Variants in KIR2DL3 observed in about 807,000 individuals in gnomAD.
KIR2DL3 encodes the protein killer cell immunoglobulin-like receptor 2DL3.
KIR2DL3 carries 39 observed loss-of-function variants against 33.8 expected under a neutral mutation model. The observed-to-expected ratio is 1.15, with a 90% confidence interval of 0.89 to 1.51. KIR2DL3 has a LOEUF of 1.51. KIR2DL3 is among the 40% of genes most tolerant of loss of function. KIR2DL3 has a pLI of 0.00. For synonymous variants in KIR2DL3, 174 were observed against 160.2 expected (o/e 1.09, Z -0.65); for missense variants, 462 against 426.2 (o/e 1.08, Z -0.74).
rs2073676141 is a variant in KIR2DL3 at position 54,752,734 on chromosome 19, G to A, written c.*215G>A. ...CTTACAAATGTCTAAGGTCCCCACTGCCTGCTGGAGAGAAAACACACTCCT... is the reference window on the plus strand; with the variant it reads ...CTTACAAATGTCTAAGGTCCCCACTACCTGCTGGAGAGAAAACACACTCCT... On this transcript the variant is annotated 3_prime_UTR_variant, in exon 8 of 8. Coordinates refer to ENST00000342376, the MANE Select transcript of KIR2DL3 (RefSeq NM_015868.3). 1 of 720,672 alleles carries A rather than the reference G, an allele frequency of 1.4e-6. No individual in the cohort carries two copies. Among genetic ancestry groups the A allele is most frequent in the Non-Finnish European group, 2.2e-6 (1 of 448,458 alleles). The allele number at this position is 720,672 out of a possible 1,614,324, so 44.6% of individuals were successfully genotyped here.
At chr19:54,739,284 A>G (rs2070505451) in intron 1 of KIR2DL3, among the ~76,000 whole-genome samples, 1 of 148,258 alleles carries the variant, frequency 6.7e-6, no homozygotes. Flanking sequence ...GGGTGGAAAT[A>G]TCAGCCTGGA....
intron 2 of KIR2DL3, among the ~76,000 whole-genome samples, chr19:54,741,540 C>A (rs1256184792): frequency 6.6e-6 from 1 of 152,056 alleles, no homozygotes; most frequent in Non-Finnish European, 1.5e-5. Flanking sequence ...GGCTCCCAGT[C>A]CCCACCAGGA....
chr19:54,744,164 G>A (rs1368371748), intron 4 of KIR2DL3, 76 bp downstream of exon 4: 11 of 1,589,224 alleles, frequency 6.9e-6, no homozygotes, highest in Middle Eastern at 3.4e-4. Context: ...TGATGATGGA[G>A]AGAAGCATGG....
chr19:54,750,269 T>C (rs1321045063), intron 5 of KIR2DL3, among the ~76,000 whole-genome samples: 3 of 135,646 alleles, frequency 2.2e-5, no homozygotes, highest in Non-Finnish European at 4.8e-5. Flanking sequence ...TGAGTCCAGA[T>C]CTTGGAATCA....
chr19:54,744,069 A>G lies in KIR2DL3; in HGVS notation c.645A>G (p.Pro215=). The change falls in exon 4 of 8, where the codon CCA becomes CCG. Residue 215 remains proline (P), a synonymous_variant. Transcript: ENST00000342376. The stretch of plus-strand genomic sequence containing the variant: ...ACGAGTGGTCAAACTCGAGTGACCC[A>G]CTGCTTGTTTCTGTCACAGGTGAGG... ...SPYEWSNSSD[P]LLVSVTGNPS... 1.4e-5 allele frequency: 23 copies of G among 1,614,234 alleles called. No individual in the cohort carries two copies. In the South Asian group the frequency reaches 2.4e-4, roughly 17 times the overall value.
intron 4 of KIR2DL3, among the ~76,000 whole-genome samples, chr19:54,744,592 T>G (rs1159263617): frequency 9.3e-5 from 14 of 151,348 alleles, no homozygotes; most frequent in Admixed American, 8.6e-4. Flanking sequence ...AGTGGCACAA[T>G]CTCAGCTCAC....
intron 2 of KIR2DL3, among the ~76,000 whole-genome samples, chr19:54,740,409 C>G (rs533568313): frequency 5.3e-5 from 8 of 151,656 alleles, no homozygotes; most frequent in East Asian, 3.9e-4. Context: ...TCCCTGAGCT[C>G]TACAACAGAA....
At chr19:54,740,162 G>A (rs1233633435) in intron 2 of KIR2DL3, among the ~76,000 whole-genome samples, 2 of 152,156 alleles carry the variant, frequency 1.3e-5, no homozygotes, top group Non-Finnish European at 2.9e-5. Flanking sequence ...GCACCAAGGT[G>A]TGATAGTAGC....
Position 54,744,082 on chromosome 19 carries a change from G to A in KIR2DL3, c.658G>A (p.Val220Ile). 6.2e-6 allele frequency: 10 copies of A among 1,614,218 alleles called. No individual in the cohort carries two copies. The South Asian group carries it at 6.6e-5, about 11-fold the overall frequency. Residue 220 changes from valine (V) to isoleucine (I), a missense_variant, in exon 4 of 8, where the codon GTC (valine) becomes ATC (isoleucine). Transcript: ENST00000342376. ...SNSSDPLLVSVTGNPSNSWPS... is the reference protein window; with the variant it reads ...SNSSDPLLVSITGNPSNSWPS... ...CTCGAGTGACCCACTGCTTGTTTCTGTCACAGGTGAGGAAACCCCATATCT... is the reference window on the plus strand; with the variant it reads ...CTCGAGTGACCCACTGCTTGTTTCTATCACAGGTGAGGAAACCCCATATCT...
intron 6 of KIR2DL3, among the ~76,000 whole-genome samples, 189 bp from the exon 7 acceptor site, chr19:54,752,027 T>C (rs1221351574): frequency 7.4e-6 from 1 of 135,372 alleles, no homozygotes; most frequent in Non-Finnish European, 1.6e-5. Context: ...ACAGAATCAA[T>C]GGGATGGGAA....
At chr19:54,744,861 T>G (rs1600380855) in intron 4 of KIR2DL3, among the ~76,000 whole-genome samples, 1 of 128,862 alleles carries the variant, frequency 7.8e-6, no homozygotes, top group South Asian at 2.4e-4. Flanking sequence ...CTAGTGGTCA[T>G]AAATACATTT....
chr19:54,750,585 C>T lies in KIR2DL3; in HGVS notation c.716-1064C>T, dbSNP rs1386921479. ...CAAGAATGCTGTGGATGTAGAAATC[C>T]TAAAGCACATTCGCTGTGTATCAAT... On this transcript the variant is annotated intron_variant, in intron 5 of 7. Transcript: ENST00000342376. 2.9e-5 allele frequency among the ~76,000 whole-genome samples: 4 copies of T among 135,896 alleles called. 1 individual carries two copies. The highest frequency in any genetic ancestry group is 7.6e-3 in the Middle Eastern group (2 of 264). 89.2% of individuals were successfully genotyped at this position (135,896 alleles called of 152,430 possible).
intron 5 of KIR2DL3, among the ~76,000 whole-genome samples, chr19:54,751,158 A>G (rs1186126532): frequency 2.3e-5 from 3 of 130,540 alleles, no homozygotes; most frequent in Non-Finnish European, 5.0e-5. Context: ...GGCTGCTCCC[A>G]CTCTGGCAGA....
intron 6 of KIR2DL3, 134 bp downstream of exon 6, chr19:54,751,887 A>G (rs2073503208): frequency 1.2e-6 from 1 of 811,554 alleles, no homozygotes; most frequent in Non-Finnish European, 1.9e-6. Context: ...AGGACTTTCT[A>G]GAGAGAGCAC....
rs147684757 is a variant in KIR2DL3 at position 54,751,623 on chromosome 19, C to A, written c.716-26C>A. The A allele has an allele frequency of 1.2e-4, 177 of 1,460,002 alleles. 11 individuals carry two copies. In the East Asian group the frequency reaches 3.9e-3, roughly 32 times the overall value. 90.4% of individuals were successfully genotyped at this position (1,460,002 alleles called of 1,614,324 possible). A position where few individuals can be genotyped will look rare whatever the true frequency, so the allele number is the denominator to read the frequency against. On this transcript the variant is annotated intron_variant, in intron 5 of 7. Coordinates refer to ENST00000342376, the MANE Select transcript of KIR2DL3 (RefSeq NM_015868.3). ...AAAGAGGAACTGCTATGATTAGCTT[C>A]TTATTGGTGTCTCCTCTTCTTCCAG...
intron 1 of KIR2DL3, among the ~76,000 whole-genome samples, chr19:54,739,092 T>C: frequency 6.8e-6 from 1 of 146,714 alleles, no homozygotes. Context: ...GGAGTGGAGA[T>C]ATGGGCCTAG....
intron 1 of KIR2DL3, among the ~76,000 whole-genome samples, chr19:54,739,153 G>T (rs374287645): frequency 7.8e-4 from 119 of 151,994 alleles, no homozygotes; most frequent in African/African-American, 2.8e-3. Context: ...GAGGTGATAT[G>T]GGCCTGGAGT....
chr19:54,746,404 C>T (rs1266212333), intron 4 of KIR2DL3, among the ~76,000 whole-genome samples: 1 of 144,216 alleles, frequency 6.9e-6, no homozygotes, highest in South Asian at 2.4e-4. Flanking sequence ...TGAGGTAATC[C>T]CAATGGTCTA....
chr19:54,740,390 G>A (rs1208413335), intron 2 of KIR2DL3, among the ~76,000 whole-genome samples: 1 of 151,708 alleles, frequency 6.6e-6, no homozygotes, highest in Non-Finnish European at 1.5e-5. Context: ...AAGGAAGGTG[G>A]GGTGCCTGTC....
Sources: allele counts gnomAD v4.1 joint callset (sites outside exome capture counted in the v4.1 genomes callset), GRCh38; gene constraint gnomAD v4.1.1; transcripts MANE v1.5; gene names NCBI Gene and HGNC (gene_info 2026-07-23, HGNC 2026-07-21).